GSKIP: variants seen among roughly 807,000 people sequenced by gnomAD.
GSKIP encodes GSK3B interacting protein.
GSKIP carries 5 observed loss-of-function variants against 11.9 expected under a neutral mutation model. The ratio of observed to expected loss-of-function variants is 0.42; its 90% CI spans 0.22 to 0.89. GSKIP has a LOEUF of 0.89. Among genes scored for constraint, GSKIP ranks in the 40% least tolerant of loss-of-function variants. The probability of loss-of-function intolerance (pLI) is 0.29; values close to 1 mark genes in which losing one functional copy is unlikely to be tolerated. For synonymous variants in GSKIP, 70 were observed against 62.9 expected, an observed-to-expected ratio of 1.11 and a Z score of -0.54; for missense variants, 150 against 166.6, an observed-to-expected ratio of 0.90 and a Z score of 0.55.
In GSKIP at chr14:96,386,486, A is replaced by G. The variant is rs1477353636; in HGVS notation, c.*802A>G. Reference sequence around the variant, plus strand: ...GAAGATTCTGGTTTCCTAGAAAACAATATTTTGGCCTGTGTTGATTCTTAT... The same window carrying G: ...GAAGATTCTGGTTTCCTAGAAAACAGTATTTTGGCCTGTGTTGATTCTTAT... On this transcript the variant is annotated 3_prime_UTR_variant, in exon 4 of 4. Coordinates refer to ENST00000555181, the MANE Select transcript of GSKIP (RefSeq NM_016472.5). The G allele has an allele frequency of 3.9e-5, 6 of 152,622 alleles. No individual in the cohort carries two copies. The East Asian group carries it at 1.2e-3, about 29-fold the overall frequency. 9.5% of individuals were successfully genotyped at this position (152,622 alleles called of 1,614,324 possible). A position where few individuals can be genotyped will look rare whatever the true frequency, so the allele number is the denominator to read the frequency against.
At chr14:96,379,964 G>A (rs897889581) in intron 2 of GSKIP, 176 bp downstream of exon 2, 1 of 152,172 alleles carries the variant, frequency 6.6e-6, no homozygotes, top group African/African-American at 2.4e-5. Flanking sequence ...GAGATTTATA[G>A]TAGTCATTTC....
At chr14:96,364,902 A>G (rs553565366) in intron 1 of GSKIP, 5 of 152,374 alleles carry the variant, frequency 3.3e-5, no homozygotes, top group Admixed American at 2.6e-4. Flanking sequence ...GACGCTATCC[A>G]TAGAGTGCCT....
At position 96,382,228 on chromosome 14, in the gene GSKIP, C is replaced by CTTTTT; in HGVS notation, c.-1-9_-1-5dup. On this transcript the variant is annotated intron_variant, in intron 2 of 3. Coordinates refer to ENST00000555181, the MANE Select transcript of GSKIP (RefSeq NM_016472.5). Reference sequence around the variant, plus strand: ...TTTCTATAAACAAATTTTATAACTGCTTTTTTTTTTTTTTACAGAATGGAA... The same window carrying CTTTTT: ...TTTCTATAAACAAATTTTATAACTGCTTTTTTTTTTTTTTTTTTTACAGAATGGAA... 1 of 1,375,940 alleles carries CTTTTT rather than the reference C, an allele frequency of 7.3e-7. No individual in the cohort carries two copies. Among genetic ancestry groups the CTTTTT allele is most frequent in the Non-Finnish European group, 9.8e-7 (1 of 1,022,482 alleles). 85.2% of individuals were successfully genotyped at this position (1,375,940 alleles called of 1,614,324 possible). A position where few individuals can be genotyped will look rare whatever the true frequency, so the allele number is the denominator to read the frequency against.
At chr14:96,372,556 CAT>C (rs1050885127) in intron 1 of GSKIP, among the ~76,000 whole-genome samples, 1 of 152,194 alleles carries the variant, frequency 6.6e-6, no homozygotes, top group African/African-American at 2.4e-5. Context: ...TCTCATAAAA[CAT>C]ATGGTGAGCA....
intron 2 of GSKIP, among the ~76,000 whole-genome samples, chr14:96,381,041 C>T (rs940905384): frequency 7.9e-5 from 12 of 152,206 alleles, no homozygotes; most frequent in South Asian, 2.1e-4. Context: ...TAATCCATAT[C>T]AGAGAAGTGA....
intron 3 of GSKIP, among the ~76,000 whole-genome samples, chr14:96,383,458 A>G (rs1302587901): frequency 2.6e-5 from 4 of 152,184 alleles, no homozygotes; most frequent in Non-Finnish European, 4.4e-5. Flanking sequence ...ACATTAGAAA[A>G]TCTAAAATCT....
intron 1 of GSKIP, among the ~76,000 whole-genome samples, chr14:96,368,554 A>C (rs950553164): frequency 3.3e-5 from 5 of 152,066 alleles, no homozygotes; most frequent in African/African-American, 1.2e-4. Flanking sequence ...TAATCAACAA[A>C]AGCACTGCTG....
intron 1 of GSKIP, among the ~76,000 whole-genome samples, chr14:96,370,912 A>G (rs901456509): frequency 6.6e-6 from 1 of 152,248 alleles, no homozygotes; most frequent in African/African-American, 2.4e-5. Flanking sequence ...ACAAGAATAT[A>G]AATATGTCTG....
At chr14:96,368,669 C>T (rs1459537916) in intron 1 of GSKIP, among the ~76,000 whole-genome samples, 1 of 152,088 alleles carries the variant, frequency 6.6e-6, no homozygotes, top group Non-Finnish European at 1.5e-5. Context: ...GGGTGGATCC[C>T]TCATGAATGG....
At chr14:96,380,395 GCTT>G (rs753485275) in intron 2 of GSKIP, 3 of 152,182 alleles carry the variant, frequency 2.0e-5, no homozygotes, top group African/African-American at 4.8e-5. Context: ...AGGAACTCCA[GCTT>G]CTTAAGATTT....
chr14:96,380,078 T>G (rs1325946794), intron 2 of GSKIP: 1 of 152,176 alleles, frequency 6.6e-6, no homozygotes, highest in African/African-American at 2.4e-5. Context: ...AAGGTAAAAT[T>G]TGGAAAGCCA....
intron 1 of GSKIP, among the ~76,000 whole-genome samples, chr14:96,376,728 A>G (rs1248846250): frequency 1.3e-5 from 2 of 152,160 alleles, no homozygotes; most frequent in Non-Finnish European, 2.9e-5. Context: ...ATTTGTGCAA[A>G]TATTTCATGT....
At chr14:96,383,030 C>T (rs1889391994) in intron 3 of GSKIP, among the ~76,000 whole-genome samples, 2 of 152,092 alleles carry the variant, frequency 1.3e-5, no homozygotes, top group African/African-American at 4.8e-5. Flanking sequence ...CTTTTCTAGG[C>T]GGATTAACCT....
intron 3 of GSKIP, chr14:96,384,609 A>T (rs1353866254): frequency 6.6e-6 from 1 of 152,134 alleles, no homozygotes; most frequent in African/African-American, 2.4e-5. Context: ...AGGAAAAAAA[A>T]AAAAAGAAAA....
intron 1 of GSKIP, among the ~76,000 whole-genome samples, chr14:96,370,869 A>G (rs939742871): frequency 1.3e-5 from 2 of 152,220 alleles, no homozygotes; most frequent in African/African-American, 4.8e-5. Flanking sequence ...AGAGACTAAG[A>G]TAAGCACAAT....
In GSKIP at chr14:96,368,184, C is replaced by CTT. The variant is rs398057422; in HGVS notation, c.-103+4631_-103+4632dup. Among the ~76,000 whole-genome samples, 224 of 133,428 alleles carry CTT rather than the reference C, an allele frequency of 1.7e-3. 2 individuals are homozygous for CTT. The highest frequency in any genetic ancestry group is 2.8e-3 in the African/African-American group (101 of 36,132). 87.5% of individuals were successfully genotyped at this position (133,428 alleles called of 152,430 possible). On this transcript the variant is annotated intron_variant, in intron 1 of 3. Coordinates refer to ENST00000555181, the MANE Select transcript of GSKIP (RefSeq NM_016472.5). ...AGGTTTACAAGGTTGTATTGCTACT[C>CTT]TTTTTTTTTTTTTTTTGAGACAGAG...
intron 2 of GSKIP, among the ~76,000 whole-genome samples, chr14:96,381,382 T>C (rs1047394531): frequency 6.6e-6 from 1 of 152,246 alleles, no homozygotes; most frequent in Non-Finnish European, 1.5e-5. Context: ...TACAGTTGGC[T>C]ATCCATTTGG....
chr14:96,371,708 A>C (rs773357861), intron 1 of GSKIP, among the ~76,000 whole-genome samples: 2 of 152,144 alleles, frequency 1.3e-5, no homozygotes, highest in Admixed American at 6.6e-5. Flanking sequence ...CAGCCTCCCA[A>C]AGTGTTGGGA....
intron 3 of GSKIP, chr14:96,384,634 A>T (rs756197779): frequency 2.6e-5 from 4 of 151,622 alleles, no homozygotes; most frequent in Admixed American, 1.3e-4. Flanking sequence ...ATGGCCTGTC[A>T]GCCTTTTGCC....
Sources: allele counts gnomAD v4.1 joint callset (sites outside exome capture counted in the v4.1 genomes callset), GRCh38; gene constraint gnomAD v4.1.1; transcripts MANE v1.5; gene names NCBI Gene and HGNC (gene_info 2026-07-23, HGNC 2026-07-21).